VWA8: variants seen among roughly 807,000 people sequenced by gnomAD.
The protein encoded by VWA8 is von Willebrand factor A domain containing 8, also known as von Willebrand factor A domain-containing protein 8.
A neutral mutation model predicts 241.5 loss-of-function variants in VWA8; 221 were observed. That is an observed-to-expected ratio of 0.91 (90% CI 0.82 to 1.02). The LOEUF is 1.02. Ranked by LOEUF, VWA8 falls within the 50% of genes least tolerant of loss-of-function variation. The probability of loss-of-function intolerance (pLI) is 0.00; values close to 1 mark genes in which losing one functional copy is unlikely to be tolerated. For missense variants in VWA8, 2,322 were observed against 2,328.7 expected (o/e 1.00, Z 0.06); for synonymous variants, 852 against 827.1 (o/e 1.03, Z -0.52).
At chr13:41,837,035 TGATAGATAGATAGATAGATA>T (rs67765155) in intron 12 of VWA8, among the ~76,000 whole-genome samples, 184 of 148,692 alleles carry the variant, frequency 1.2e-3, no homozygotes, top group African/African-American at 4.0e-3. Context: ...TGCAGATAGA[TGATAGATAGATAGATAGATA>T]GATAGATAGA....
chr13:41,786,133 G>T (rs1869178834), intron 18 of VWA8, among the ~76,000 whole-genome samples: 1 of 152,100 alleles, frequency 6.6e-6, no homozygotes, highest in Non-Finnish European at 1.5e-5. Flanking sequence ...AGCCTAGTAG[G>T]CTGTAAACCT....
intron 41 of VWA8, among the ~76,000 whole-genome samples, chr13:41,588,104 G>A (rs1391906665): frequency 6.6e-6 from 1 of 152,116 alleles, no homozygotes; most frequent in Non-Finnish European, 1.5e-5. Context: ...GTACGTATTG[G>A]GTAGTGACCT....
chr13:41,714,281 T>C (rs765909132), intron 26 of VWA8, among the ~76,000 whole-genome samples: 15 of 151,988 alleles, frequency 9.9e-5, no homozygotes, highest in Non-Finnish European at 5.9e-5. Flanking sequence ...CAAATAGGCA[T>C]TGAATGCTCT....
chr13:41,923,113 G>T (rs906286003), intron 2 of VWA8, among the ~76,000 whole-genome samples: 25 of 152,138 alleles, frequency 1.6e-4, no homozygotes, highest in Admixed American at 1.2e-3. Flanking sequence ...CCATAAAAAA[G>T]GATGAGTTCA....
At chr13:41,884,815 G>C (rs967750720) in intron 8 of VWA8, among the ~76,000 whole-genome samples, 2 of 152,078 alleles carry the variant, frequency 1.3e-5, no homozygotes, top group Non-Finnish European at 2.9e-5. Flanking sequence ...ATAAACAGGA[G>C]GAGAAATTCT....
rs959183114 is a variant in VWA8, at chr13:41,960,842, C to A, written c.163+11G>T. 1.6e-5 allele frequency: 24 copies of A among 1,516,662 alleles called. No individual in the cohort carries two copies. The highest frequency in any genetic ancestry group is 2.0e-5 in the Admixed American group (1 of 49,648). 94.0% of individuals were successfully genotyped at this position (1,516,662 alleles called of 1,614,324 possible). Reference sequence around the variant, plus strand: ...GGGCACCAGGGAGGACAGGGGCGCACCCCGAGTTACCTGTGTCGGCCCCCG... The same window carrying A: ...GGGCACCAGGGAGGACAGGGGCGCAACCCGAGTTACCTGTGTCGGCCCCCG... On this transcript the variant is annotated intron_variant, in intron 1 of 44. Transcript: ENST00000379310.
intron 21 of VWA8, among the ~76,000 whole-genome samples, chr13:41,755,873 A>G (rs538493792): frequency 1.3e-3 from 205 of 151,986 alleles, no homozygotes; most frequent in African/African-American, 4.8e-3. Context: ...GCATACTATA[A>G]AGATTGAAAA....
intron 2 of VWA8, among the ~76,000 whole-genome samples, chr13:41,942,254 C>T (rs192318455): frequency 1.7e-4 from 26 of 152,222 alleles, no homozygotes; most frequent in African/African-American, 5.3e-4. Flanking sequence ...AATAAATATT[C>T]CCAACTCCCA....
At chr13:41,722,233 T>G (rs2045398779) in intron 24 of VWA8, among the ~76,000 whole-genome samples, 1 of 152,154 alleles carries the variant, frequency 6.6e-6, no homozygotes, top group African/African-American at 2.4e-5. Flanking sequence ...GTAGAGACAT[T>G]GTCTGAATTA....
chr13:41,639,100 G>A (rs1051634016), intron 37 of VWA8, among the ~76,000 whole-genome samples: 1 of 151,878 alleles, frequency 6.6e-6, no homozygotes, highest in African/African-American at 2.4e-5. Flanking sequence ...AGTAGTTTGA[G>A]GTTTGAAGAA....
At chr13:41,917,465 A>G (rs1387255461) in intron 2 of VWA8, among the ~76,000 whole-genome samples, 1 of 152,224 alleles carries the variant, frequency 6.6e-6, no homozygotes, top group Non-Finnish European at 1.5e-5. Context: ...ATACATGTGC[A>G]GAACACGCAG....
chr13:41,811,324 G>GC lies in VWA8; in HGVS notation c.1963dup (p.Ala655GlyfsTer20). On this transcript the variant is annotated frameshift_variant, in exon 17 of 45. Transcript: ENST00000379310. LOFTEE classifies it high-confidence loss of function. The stretch of plus-strand genomic sequence containing the variant: ...CAACAGTTGTCTGGTAGAAAGTGAT[G>GC]CCGCTAATGATTGTGCCTATCAAAA... The GC allele has an allele frequency of 6.2e-7, 1 of 1,609,764 alleles. No homozygotes were observed. The highest frequency in any genetic ancestry group is 1.1e-5 in the South Asian group (1 of 90,646).
intron 12 of VWA8, among the ~76,000 whole-genome samples, chr13:41,858,611 CA>C (rs905800828): frequency 4.5e-4 from 60 of 132,890 alleles, no homozygotes; most frequent in Admixed American, 6.9e-4. Flanking sequence ...GACTTCATCT[CA>C]AAAAAAAAAA....
chr13:41,874,589 C>T (rs74434832), intron 9 of VWA8, among the ~76,000 whole-genome samples: 2,540 of 152,170 alleles, frequency 0.017, 62 homozygotes, highest in African/African-American at 0.058. Flanking sequence ...TTTTCTAATA[C>T]ACTTTCTTTA....
chr13:41,941,312 C>T (rs928372335), intron 2 of VWA8, among the ~76,000 whole-genome samples: 1 of 152,192 alleles, frequency 6.6e-6, no homozygotes, highest in Non-Finnish European at 1.5e-5. Context: ...AGTACTTCAG[C>T]TGACCCCAGA....
chr13:41,811,199 C>G (rs767194025), intron 17 of VWA8, 26 bp downstream of exon 17: 1 of 1,567,712 alleles, frequency 6.4e-7, no homozygotes, highest in Non-Finnish European at 8.8e-7. Context: ...CAGAAACTTA[C>G]ACGCAGTGAG....
intron 24 of VWA8, among the ~76,000 whole-genome samples, chr13:41,723,242 A>G (rs985341979): frequency 8.5e-5 from 13 of 152,182 alleles, no homozygotes; most frequent in Admixed American, 7.9e-4. Context: ...GCATCTCACT[A>G]TAAGTGCAGG....
intron 9 of VWA8, among the ~76,000 whole-genome samples, chr13:41,873,560 A>G (rs950586459): frequency 6.6e-6 from 1 of 152,244 alleles, no homozygotes; most frequent in African/African-American, 2.4e-5. Context: ...AAACACCTCT[A>G]CGCAAATAAA....
rs1362826820 is a variant in VWA8, at chr13:41,865,910, C to T, written c.1339G>A (p.Gly447Arg). ...GAGACTGTCATTCTTACCTTTCCTC[C>T]AATTAAACATATATCTTTAACCATG... ...SHMVKDICLI[G>R]GKGCGKTVIA... is the part of the protein sequence containing the mutation. The change falls in exon 11 of 45, where the codon GGA (glycine) becomes AGA (arginine). Residue 447 changes from glycine to arginine, a missense_variant. By Grantham distance (125) the Gly-to-Arg change is moderately radical. Coordinates refer to ENST00000379310, the MANE Select transcript of VWA8 (RefSeq NM_015058.2). 6.2e-7 allele frequency: 1 copy of T among 1,614,156 alleles called. No homozygotes were observed. Among genetic ancestry groups the T allele is most frequent in the Non-Finnish European group, 8.5e-7 (1 of 1,180,018 alleles).
Sources: gnomAD v4.1 joint callset for allele counts (sites outside exome capture counted in the v4.1 genomes callset) on GRCh38, gnomAD v4.1.1 for gene constraint, MANE v1.5 for transcripts, NCBI Gene and HGNC (gene_info 2026-07-23, HGNC 2026-07-21) for gene names.